ASXL2: variants seen among roughly 807,000 people sequenced by gnomAD.
ASXL2 encodes the protein ASXL transcriptional regulator 2.
Under a neutral mutation model 122.0 loss-of-function variants are expected in ASXL2, and 23 were observed. The ratio of observed to expected loss-of-function variants is 0.19; its 90% CI spans 0.14 to 0.27. ASXL2 has a LOEUF of 0.27. Among genes scored for constraint, ASXL2 ranks in the 10% least tolerant of loss-of-function variants. ASXL2 has a pLI of 1.00. For synonymous variants in ASXL2, 650 were observed against 637.0 expected (o/e 1.02, Z -0.31); for missense variants, 1,518 against 1,713.8 (o/e 0.89, Z 2.02).
intron 1 of ASXL2, among the ~76,000 whole-genome samples, chr2:25,873,101 C>T (rs941386131): frequency 6.7e-6 from 1 of 149,996 alleles, no homozygotes; most frequent in African/African-American, 2.4e-5. Flanking sequence ...CCCACCCTTT[C>T]CCCACCCAGA....
intron 5 of ASXL2, among the ~76,000 whole-genome samples, chr2:25,772,934 C>A (rs1304120058): frequency 6.6e-6 from 1 of 151,598 alleles, no homozygotes; most frequent in Non-Finnish European, 1.5e-5. Context: ...CTTGGCCGGG[C>A]GTGGTGGCTA....
chr2:25,763,119 T>C (rs1559503943), intron 8 of ASXL2, among the ~76,000 whole-genome samples: 1 of 152,182 alleles, frequency 6.6e-6, no homozygotes, highest in Non-Finnish European at 1.5e-5. Context: ...ACCATTTGGA[T>C]AGGAGATTTC....
rs776481792 is a variant in ASXL2, at chr2:25,799,545, T to C, written c.253-10A>G. On this transcript the variant is annotated splice_polypyrimidine_tract_variant and intron_variant, in intron 4 of 12. Coordinates refer to ENST00000435504, the MANE Select transcript of ASXL2 (RefSeq NM_018263.6). The stretch of plus-strand genomic sequence containing the variant: ...CATCCGGCACATCTTTCTGAAAATG[T>C]AGGCATCCAATTAGGATTAATCATT... 3 of 1,608,008 alleles carry C rather than the reference T, an allele frequency of 1.9e-6. No homozygotes were observed. Among genetic ancestry groups the C allele is most frequent in the South Asian group, 1.1e-5 (1 of 90,242 alleles).
At chr2:25,865,611 C>CAAA (rs35970829) in intron 1 of ASXL2, among the ~76,000 whole-genome samples, 1 of 134,026 alleles carries the variant, frequency 7.5e-6, no homozygotes, top group Non-Finnish European at 1.6e-5. Context: ...ACTAAAAATA[C>CAAA]AAAAAAAAAA....
Position 25,771,551 on chromosome 2 carries a change from A to G in ASXL2, c.404-11T>C, listed in dbSNP as rs774607793. On this transcript the variant is annotated splice_polypyrimidine_tract_variant and intron_variant, in intron 5 of 12. Coordinates refer to ENST00000435504, the MANE Select transcript of ASXL2 (RefSeq NM_018263.6). ...GGGAGGACGACGATACTAGGGAAAA[A>G]AAAGTGACAATAAAAGATTTTTGTT... 39 of 1,602,576 alleles carry G rather than the reference A, an allele frequency of 2.4e-5. No individual in the cohort carries two copies. The highest frequency in any genetic ancestry group is 3.2e-5 in the Non-Finnish European group (37 of 1,172,064).
chr2:25,834,629 G>A (rs1382927456), intron 3 of ASXL2, among the ~76,000 whole-genome samples: 1 of 152,130 alleles, frequency 6.6e-6, no homozygotes, highest in Non-Finnish European at 1.5e-5. Context: ...ACATGGGCAT[G>A]ACTGTTGCCC....
chr2:25,837,533 G>A lies in ASXL2; in HGVS notation c.141-1993C>T, dbSNP rs186346607. Among the ~76,000 whole-genome samples, 119 of 152,108 alleles carry A rather than the reference G, an allele frequency of 7.8e-4. 1 individual carries two copies. Among genetic ancestry groups the A allele is most frequent in the Admixed American group, 2.8e-3 (42 of 15,262 alleles). On this transcript the variant is annotated intron_variant, in intron 2 of 12. Transcript: ENST00000435504. The stretch of plus-strand genomic sequence containing the variant: ...GTATCCTTTTGTTTTTACAATTTTC[G>A]AAAAGTAAAAATTTATATTTTAAAA...
chr2:25,833,138 A>G (rs554240867), intron 3 of ASXL2, among the ~76,000 whole-genome samples: 18 of 152,308 alleles, frequency 1.2e-4, no homozygotes, highest in African/African-American at 4.3e-4. Context: ...TACACGTGAT[A>G]AAACCACATA....
At chr2:25,803,133 AAATG>A (rs70950123) in intron 4 of ASXL2, among the ~76,000 whole-genome samples, 3,421 of 148,702 alleles carry the variant, frequency 0.023, 52 homozygotes, top group African/African-American at 0.034. Context: ...CTCCATCTCA[AAATG>A]AATGAATGAA....
intron 5 of ASXL2, among the ~76,000 whole-genome samples, chr2:25,780,503 T>A (rs1461360993): frequency 6.6e-6 from 1 of 152,224 alleles, no homozygotes; most frequent in Admixed American, 6.5e-5. Context: ...ACAACATCAT[T>A]ACTACCTAAA....
In ASXL2 at chr2:25,744,223, C is replaced by G; in HGVS notation, c.2114G>C (p.Gly705Ala). ...GCCTCCTCTAGCAGTCTGCCCTTCA[C>G]CACCCTCTCCTGGACCTTGTCCACC... The part of the protein sequence containing the change: ...PGGGQGPGEG[G>A]EGQTARGGSP... The change falls in exon 13 of 13, where the codon GGT (glycine) becomes GCT (alanine). Residue 705 changes from glycine (G) to alanine (A), a missense_variant. By Grantham distance (60) the Gly-to-Ala change is moderately conservative. Around this residue, in one of 8 missense-constraint regions of ASXL2, gnomAD observed 48 missense variants for 82.1 expected, o/e 0.58. Coordinates refer to ENST00000435504, the MANE Select transcript of ASXL2 (RefSeq NM_018263.6). This position sits in a 1 kb window ranked among gnomAD's most constrained non-coding sequence, Gnocchi z 4.7. 6.2e-7 allele frequency: 1 copy of G among 1,614,044 alleles called. No individual in the cohort carries two copies. Among genetic ancestry groups the G allele is most frequent in the South Asian group, 1.1e-5 (1 of 91,084 alleles).
At chr2:25,776,776 C>T (rs1374066403) in intron 5 of ASXL2, among the ~76,000 whole-genome samples, 7 of 152,134 alleles carry the variant, frequency 4.6e-5, no homozygotes, top group Non-Finnish European at 8.8e-5. Flanking sequence ...TACATTTCCT[C>T]GCCTACCCCA....
intron 3 of ASXL2, among the ~76,000 whole-genome samples, chr2:25,820,981 ACATGGAGAAATCC>A (rs1211322929): frequency 6.6e-6 from 1 of 152,114 alleles, no homozygotes; most frequent in African/African-American, 2.4e-5. Context: ...AGCCTGACCA[ACATGGAGAAATCC>A]CATGGAGAAA....
At chr2:25,776,291 A>C (rs1300042058) in intron 5 of ASXL2, among the ~76,000 whole-genome samples, 1 of 152,216 alleles carries the variant, frequency 6.6e-6, no homozygotes, top group East Asian at 1.9e-4. Flanking sequence ...TGACTTTTTC[A>C]ACAAAGTGCT....
intron 1 of ASXL2, among the ~76,000 whole-genome samples, chr2:25,865,155 G>A (rs749911646): frequency 6.6e-6 from 1 of 151,742 alleles, no homozygotes; most frequent in Non-Finnish European, 1.5e-5. Flanking sequence ...TTTAGGCCAG[G>A]CATGGTGGCT....
chr2:25,841,979 G>C (rs546719212), intron 2 of ASXL2, among the ~76,000 whole-genome samples: 28 of 151,270 alleles, frequency 1.9e-4, no homozygotes, highest in Admixed American at 1.8e-3. Context: ...AGGCATGGTG[G>C]CACGTGCCTA....
Position 25,742,801 on chromosome 2 carries a change from T to A in ASXL2, c.3536A>T (p.Asp1179Val). 1 of 1,613,978 alleles carries A rather than the reference T, an allele frequency of 6.2e-7. No individual in the cohort carries two copies. Among genetic ancestry groups the A allele is most frequent in the Non-Finnish European group, 8.5e-7 (1 of 1,179,878 alleles). Residue 1179 changes from aspartate to valine, a missense_variant, in exon 13 of 13, where the codon GAT becomes GTT. Coordinates refer to ENST00000435504, the MANE Select transcript of ASXL2 (RefSeq NM_018263.6). ...ATGESSSSKE[D>V]DTDEESTGDE... ...ACCAGTACTTTCCTCATCAGTGTCA[T>A]CTTCTTTGCTGCTGCTACTCTCTCC... is the stretch of plus-strand genomic sequence containing the variant.
intron 1 of ASXL2, among the ~76,000 whole-genome samples, chr2:25,846,258 C>T (rs1458727840): frequency 2.0e-5 from 3 of 152,108 alleles, no homozygotes; most frequent in African/African-American, 7.2e-5. Flanking sequence ...CCTTTTTCTC[C>T]GCCCTTGCCC....
chr2:25,799,208 G>T (rs1053280247), intron 5 of ASXL2, among the ~76,000 whole-genome samples, 177 bp downstream of exon 5: 1 of 152,170 alleles, frequency 6.6e-6, no homozygotes, highest in South Asian at 2.1e-4. Context: ...ACTGTGTTGT[G>T]CTGGACAGTA....
Sources: allele counts gnomAD v4.1 joint callset (sites outside exome capture counted in the v4.1 genomes callset), GRCh38; gene constraint gnomAD v4.1.1; regional missense constraint gnomAD v4.1.1; non-coding constraint Gnocchi (gnomAD v3.1); transcripts MANE v1.5; gene names NCBI Gene and HGNC (gene_info 2026-07-23, HGNC 2026-07-21).